The following SREK1 variants were observed in gnomAD, a reference collection of about 807,000 sequenced individuals.
SREK1 encodes splicing regulatory glutamine/lysine-rich protein 1.
In SREK1, 13 loss-of-function variants were observed where a neutral mutation model predicts 66.5. That is an observed-to-expected ratio of 0.20 (90% CI 0.13 to 0.31). SREK1 has a LOEUF of 0.31. Among genes scored for constraint, SREK1 ranks in the 10% least tolerant of loss-of-function variants. SREK1 has a pLI of 1.00. For missense variants in SREK1, 607 were observed against 769.6 expected, an observed-to-expected ratio of 0.79 and a Z score of 2.50; for synonymous variants, 265 against 263.5, an observed-to-expected ratio of 1.01 and a Z score of -0.05.
At chr5:66,146,653 G>T (rs1743232578) in intron 1 of SREK1, among the ~76,000 whole-genome samples, 1 of 151,348 alleles carries the variant, frequency 6.6e-6, no homozygotes, top group Non-Finnish European at 1.5e-5. Flanking sequence ...TTATTCACAG[G>T]TTTTCTGCTT....
At chr5:66,164,928 T>A (rs776487787) in intron 7 of SREK1, 31 bp downstream of exon 7, 1 of 1,563,500 alleles carries the variant, frequency 6.4e-7, no homozygotes, top group Non-Finnish European at 8.7e-7. Flanking sequence ...ATTTAAATTT[T>A]ATTTTAGTTT....
chr5:66,161,653 T>C (rs1242949724), intron 3 of SREK1, among the ~76,000 whole-genome samples: 3 of 152,238 alleles, frequency 2.0e-5, no homozygotes, highest in Admixed American at 2.0e-4. Context: ...AGTTCAGTGT[T>C]AATGAATCGA....
intron 10 of SREK1, among the ~76,000 whole-genome samples, chr5:66,176,483 T>G (rs1349004421): frequency 6.6e-6 from 1 of 152,152 alleles, no homozygotes; most frequent in East Asian, 1.9e-4. Flanking sequence ...ATGATTTGTG[T>G]TACAGTTGCA....
At position 66,174,898 on chromosome 5, in the gene SREK1, G is replaced by T. The variant is rs199985380; in HGVS notation, c.1485-48G>T. 3.2e-6 allele frequency: 5 copies of T among 1,561,200 alleles called. No individual in the cohort carries two copies. In the Admixed American group the frequency reaches 7.1e-5, roughly 22 times the overall value. The stretch of plus-strand genomic sequence containing the variant: ...TTTGCTTTTGTATATTTGAATTGCC[G>T]TTTATTTCAATTGCTGTTTTTAAAA... On this transcript the variant is annotated intron_variant, in intron 9 of 11. Coordinates refer to ENST00000334121, the MANE Select transcript of SREK1 (RefSeq NM_001077199.3).
At chr5:66,178,260 C>T (rs1180601364) in intron 11 of SREK1, among the ~76,000 whole-genome samples, 1 of 152,014 alleles carries the variant, frequency 6.6e-6, no homozygotes, top group East Asian at 1.9e-4. Context: ...ATGTGCCGGG[C>T]ACTGTTTGTT....
At chr5:66,177,732 C>A in intron 11 of SREK1, 74 bp downstream of exon 11, 1 of 1,302,486 alleles carries the variant, frequency 7.7e-7, no homozygotes, top group Non-Finnish European at 1.0e-6. Context: ...AGACTGAAAG[C>A]TCTTTGGGGA....
intron 1 of SREK1, among the ~76,000 whole-genome samples, chr5:66,147,600 C>T (rs759745124): frequency 2.6e-5 from 4 of 152,094 alleles, no homozygotes; most frequent in African/African-American, 4.8e-5. Flanking sequence ...TGTTGATTTC[C>T]GTCACTTCTC....
chr5:66,161,485 G>A lies in SREK1; in HGVS notation c.412-624G>A, dbSNP rs185857812. Among the ~76,000 whole-genome samples, 21 of 152,254 alleles carry A rather than the reference G, an allele frequency of 1.4e-4. No homozygotes were observed. In the East Asian group the frequency reaches 3.9e-3, roughly 28 times the overall value. On this transcript the variant is annotated intron_variant, in intron 3 of 11. Transcript: ENST00000334121. ...CTTTGAATTGTTGTGCTTTTTGTTG[G>A]TGATTTCACTGTTAAGATGGGCCCA...
chr5:66,144,631 T>G, intron 1 of SREK1, 94 bp downstream of exon 1: 1 of 1,451,750 alleles, frequency 6.9e-7, no homozygotes, highest in Non-Finnish European at 9.1e-7. Flanking sequence ...GGGCGCGCGG[T>G]GCATGTCACG....
At chr5:66,145,996 A>G (rs1743161017) in intron 1 of SREK1, among the ~76,000 whole-genome samples, 2 of 151,876 alleles carry the variant, frequency 1.3e-5, no homozygotes, top group South Asian at 4.2e-4. Context: ...AGATATGTGT[A>G]TATATATATC....
chr5:66,147,873 G>A (rs892256401), intron 1 of SREK1, among the ~76,000 whole-genome samples: 6 of 149,544 alleles, frequency 4.0e-5, no homozygotes, highest in South Asian at 4.2e-4. Flanking sequence ...GTAATATAGC[G>A]TAATCAAAGG....
In SREK1 at chr5:66,162,136, G is replaced by A. The variant is rs1186897252; in HGVS notation, c.439G>A (p.Ala147Thr). 2 of 1,613,470 alleles carry A rather than the reference G, an allele frequency of 1.2e-6. No homozygotes were observed. Among genetic ancestry groups the A allele is most frequent in the Admixed American group, 1.7e-5 (1 of 59,944 alleles). ...TLGVSLSSLG[A>T]IPAAALDPNI... Reference sequence around the variant, plus strand: ...TGGTGTTTCACTTAGCAGTTTGGGAGCTATACCAGCAGCAGCACTAGACCC... The same window carrying A: ...TGGTGTTTCACTTAGCAGTTTGGGAACTATACCAGCAGCAGCACTAGACCC... Residue 147 changes from alanine to threonine, a missense_variant, in exon 4 of 12, where the codon GCT (alanine) becomes ACT (threonine). Ala to Thr is a moderately conservative substitution (Grantham distance 58). Transcript: ENST00000334121.
chr5:66,159,651 A>G (rs1337548007), intron 3 of SREK1, among the ~76,000 whole-genome samples: 1 of 152,216 alleles, frequency 6.6e-6, no homozygotes, highest in Non-Finnish European at 1.5e-5. Flanking sequence ...TCAGTTAATG[A>G]GGATTAAATC....
intron 2 of SREK1, chr5:66,157,343 C>T (rs1181244364): frequency 1.0e-6 from 1 of 982,502 alleles, no homozygotes; most frequent in Admixed American, 6.2e-5. Context: ...ACAATGTCTT[C>T]AATAGGTAGT....
intron 1 of SREK1, among the ~76,000 whole-genome samples, chr5:66,146,579 C>G (rs1277937858): frequency 1.3e-5 from 2 of 151,850 alleles, no homozygotes; most frequent in African/African-American, 4.8e-5. Flanking sequence ...AAATCCTTAA[C>G]TAGTTTTTCC....
intron 2 of SREK1, chr5:66,157,454 T>G (rs1403598487): frequency 1.0e-6 from 1 of 985,156 alleles, no homozygotes; most frequent in African/African-American, 1.7e-5. Flanking sequence ...CGATGGAGTT[T>G]CTGCCTCAAA....
chr5:66,147,859 A>G (rs1743399772), intron 1 of SREK1, among the ~76,000 whole-genome samples: 1 of 152,162 alleles, frequency 6.6e-6, no homozygotes, highest in Non-Finnish European at 1.5e-5. Flanking sequence ...ATTATGTAAT[A>G]TATGTAATAT....
intron 7 of SREK1, chr5:66,165,883 T>C (rs1287409240): frequency 2.0e-5 from 3 of 152,188 alleles, no homozygotes; most frequent in Non-Finnish European, 4.4e-5. Context: ...TGTTTTTGTG[T>C]GTGTGTGTGT....
At chr5:66,164,557 A>G in intron 6 of SREK1, 1 of 1,477,612 alleles carries the variant, frequency 6.8e-7, no homozygotes, top group South Asian at 1.2e-5. Context: ...GCAGCAACAA[A>G]ATATTACGAA....
Sources: allele counts gnomAD v4.1 joint callset (sites outside exome capture counted in the v4.1 genomes callset), GRCh38; gene constraint gnomAD v4.1.1; transcripts MANE v1.5; gene names NCBI Gene and HGNC (gene_info 2026-07-23, HGNC 2026-07-21).